PKHD1: variants seen among roughly 807,000 people sequenced by gnomAD.
PKHD1 encodes fibrocystin.
A neutral mutation model predicts 412.0 loss-of-function variants in PKHD1; 291 were observed. That is an observed-to-expected ratio of 0.71 (90% CI 0.64 to 0.78). The LOEUF (loss-of-function observed/expected upper bound fraction) is 0.78, where lower values mean the gene tolerates loss of function less well. Among genes scored for constraint, PKHD1 ranks in the 30% least tolerant of loss-of-function variants. The pLI is 0.00. For synonymous variants in PKHD1, 1,777 were observed against 1,821.5 expected (o/e 0.98, Z 0.62); for missense variants, 4,825 against 4,950.7 (o/e 0.97, Z 0.76).
chr6:52,048,833 C>T (rs367853027), intron 22 of PKHD1, among the ~76,000 whole-genome samples: 1 of 152,190 alleles, frequency 6.6e-6, no homozygotes. Flanking sequence ...GAGCTAAAAA[C>T]GTTGGCATTT....
At chr6:51,722,126 A>G (rs1782001764) in intron 60 of PKHD1, 1 of 1,577,200 alleles carries the variant, frequency 6.3e-7, no homozygotes, top group Non-Finnish European at 8.7e-7. Flanking sequence ...TCCAAATGAA[A>G]ATACCCCACA....
At chr6:51,644,348 T>C (rs1769796174) in intron 63 of PKHD1, among the ~76,000 whole-genome samples, 1 of 152,170 alleles carries the variant, frequency 6.6e-6, no homozygotes, top group Non-Finnish European at 1.5e-5. Flanking sequence ...TCAGAAATGG[T>C]AGGCAATGTG....
chr6:52,025,804 A>C lies in PKHD1; in HGVS notation c.4006T>G (p.Cys1336Gly), dbSNP rs1486590985. Residue 1336 changes from cysteine to glycine, a missense_variant, in exon 32 of 67, where the codon TGT (cysteine) becomes GGT (glycine). By Grantham distance (159) the Cys-to-Gly change is radical. Transcript: ENST00000371117. Reference protein sequence around the residue: ...NSVILLGNLNCDVETQSFQGN... With the variant: ...NSVILLGNLNGDVETQSFQGN... The stretch of plus-strand genomic sequence containing the variant: ...TGGAAGGACTGTGTCTCAACATCAC[A>C]GTTCAGGTTCCCCAGAAGGATGACT... 5 of 1,614,080 alleles carry C rather than the reference A, an allele frequency of 3.1e-6. No individual in the cohort carries two copies. The highest frequency in any genetic ancestry group is 3.4e-6 in the Non-Finnish European group (4 of 1,180,034).
At chr6:51,826,943 T>A (rs1211358914) in intron 52 of PKHD1, among the ~76,000 whole-genome samples, 1 of 152,174 alleles carries the variant, frequency 6.6e-6, no homozygotes, top group African/African-American at 2.4e-5. Flanking sequence ...ACCCTAAGAA[T>A]TTTATTGAAA....
At chr6:52,038,458 T>C (rs889667228) in intron 27 of PKHD1, among the ~76,000 whole-genome samples, 10 of 150,998 alleles carry the variant, frequency 6.6e-5, no homozygotes, top group African/African-American at 2.2e-4. Context: ...CATATGAAGG[T>C]GAAGGCAGAG....
Position 52,035,738 on chromosome 6 carries a change from A to G in PKHD1, c.3098-17T>C. ...AGAGCCCTCCTGTAACAAAAACAGC[A>G]TATTCAAATGGGATCACCAACCATA... On this transcript the variant is annotated splice_polypyrimidine_tract_variant and intron_variant, in intron 27 of 66. Transcript: ENST00000371117. The G allele has an allele frequency of 6.2e-7, 1 of 1,613,262 alleles. No homozygotes were observed.
intron 25 of PKHD1, 62 bp downstream of exon 25, chr6:52,044,904 A>C: frequency 6.3e-7 from 1 of 1,586,174 alleles, no homozygotes; most frequent in African/African-American, 1.3e-5. Flanking sequence ...GTTACAAATC[A>C]GTGAGGAGTG....
chr6:51,921,649 C>G (rs1267529476), intron 37 of PKHD1, among the ~76,000 whole-genome samples: 1 of 152,128 alleles, frequency 6.6e-6, no homozygotes, highest in African/African-American at 2.4e-5. Context: ...TTTCTCTAAA[C>G]TTCTCTTCTC....
In PKHD1 at chr6:51,659,694, G is replaced by A; in HGVS notation, c.10432C>T (p.Pro3478Ser). The change falls in exon 61 of 67, where the codon CCT (proline) becomes TCT (serine). Residue 3478 changes from proline to serine, a missense_variant. Transcript: ENST00000371117. Reference protein sequence around the residue: ...ITKVCFMDQTPQVLRFFLLGN... With the variant: ...ITKVCFMDQTSQVLRFFLLGN... ...AATAGAAAAAAGCGCAAAACTTGAG[G>A]AGTTTGATCCATGAAGCAGACTTTG... 2 of 1,613,838 alleles carry A rather than the reference G, an allele frequency of 1.2e-6. No individual in the cohort carries two copies. Among genetic ancestry groups the A allele is most frequent in the Non-Finnish European group, 1.7e-6 (2 of 1,179,868 alleles).
At chr6:52,036,539 TGAGGGTGGG>T (rs1360763508) in intron 27 of PKHD1, among the ~76,000 whole-genome samples, 1 of 152,082 alleles carries the variant, frequency 6.6e-6, no homozygotes, top group Non-Finnish European at 1.5e-5. Flanking sequence ...TACCCCCCCT[TGAGGGTGGG>T]GAGGGATGCA....
intron 15 of PKHD1, among the ~76,000 whole-genome samples, chr6:52,059,068 T>G (rs1158527692): frequency 6.6e-6 from 1 of 152,138 alleles, no homozygotes; most frequent in Non-Finnish European, 1.5e-5. Context: ...TGGCTGCTGT[T>G]AAAGGCATCT....
chr6:51,619,503 T>C lies in PKHD1; in HGVS notation c.11803A>G (p.Met3935Val), dbSNP rs2150242135. The C allele has an allele frequency of 1.9e-6, 3 of 1,614,096 alleles. No homozygotes were observed. The highest frequency in any genetic ancestry group is 2.2e-5 in the East Asian group (1 of 44,886). ...VVGEDMRMKVMLGKVNQCPHQ... is the reference protein window; with the variant it reads ...VVGEDMRMKVVLGKVNQCPHQ... ...GGGCACTGGTTCACCTTGCCCAGCA[T>C]GACCTTCATTCTCATATCTGGGGGG... The change falls in exon 67 of 67, where the codon ATG (methionine) becomes GTG (valine). Residue 3935 changes from methionine to valine, a missense_variant. Transcript: ENST00000371117.
In PKHD1 at chr6:51,659,298, C is replaced by A. The variant is rs903806118; in HGVS notation, c.10828G>T (p.Ala3610Ser). 1 of 1,613,720 alleles carries A rather than the reference C, an allele frequency of 6.2e-7. No homozygotes were observed. The highest frequency in any genetic ancestry group is 8.5e-7 in the Non-Finnish European group (1 of 1,179,880). ...EMPGHEETLK[A>S]IADSRAKRKR... ...CTTTTTGCTCTACTGTCAGCAATGG[C>A]CTTTAAGGTCTCTTCATGGCCAGGC... The change falls in exon 61 of 67, where the codon GCC (alanine) becomes TCC (serine). Residue 3610 changes from alanine (A) to serine (S), a missense_variant. Ala to Ser is a moderately conservative substitution (Grantham distance 99, BLOSUM62 1). Coordinates refer to ENST00000371117, the MANE Select transcript of PKHD1 (RefSeq NM_138694.4).
chr6:52,043,142 G>A lies in PKHD1; in HGVS notation c.2822-8C>T, dbSNP rs887807149. On this transcript the variant is annotated splice_polypyrimidine_tract_variant and splice_region_variant and intron_variant, in intron 26 of 66. Coordinates refer to ENST00000371117, the MANE Select transcript of PKHD1 (RefSeq NM_138694.4). ...TTAGGTTGATGTCACCATCTTAAAG[G>A]AGAAAAGAAATTAAAAAACAAATAA... is the stretch of plus-strand genomic sequence containing the variant. The A allele has an allele frequency of 3.7e-6, 6 of 1,605,016 alleles. No homozygotes were observed. The East Asian group carries it at 6.7e-5, about 18-fold the overall frequency.
chr6:51,738,475 C>T (rs113252587), intron 60 of PKHD1, among the ~76,000 whole-genome samples: 3 of 152,018 alleles, frequency 2.0e-5, no homozygotes, highest in Non-Finnish European at 4.4e-5. Flanking sequence ...GTTGTAGTCA[C>T]GATTTTTGCT....
intron 35 of PKHD1, among the ~76,000 whole-genome samples, chr6:51,987,483 T>A (rs1796358736): frequency 6.6e-6 from 1 of 152,144 alleles, no homozygotes; most frequent in Non-Finnish European, 1.5e-5. Context: ...GAAAGTAACA[T>A]GACCAAAAAC....
At position 51,617,050 on chromosome 6, in the gene PKHD1, T is replaced by C. The variant is rs886061597; in HGVS notation, c.*2031A>G. 3.0e-5 allele frequency: 6 copies of C among 199,246 alleles called. No homozygotes were observed. The highest frequency in any genetic ancestry group is 4.6e-5 in the African/African-American group (2 of 43,370). The allele number at this position is 199,246 out of a possible 1,614,324, so 12.3% of individuals were successfully genotyped here. On this transcript the variant is annotated 3_prime_UTR_variant, in exon 67 of 67. Transcript: ENST00000371117. ...TATTCTCACTAGGCAGCTAAATGCA[T>C]GGTATAGAGCTCAGGAAAAATACCT... is the stretch of plus-strand genomic sequence containing the variant.
intron 51 of PKHD1, 132 bp downstream of exon 51, chr6:51,836,272 G>T (rs1369942532): frequency 2.8e-6 from 2 of 722,358 alleles, no homozygotes; most frequent in Non-Finnish European, 5.1e-6. Flanking sequence ...ACACAATAGA[G>T]AGTTATCAGA....
chr6:51,678,202 CT>C (rs1401528287), intron 60 of PKHD1, among the ~76,000 whole-genome samples: 1 of 152,126 alleles, frequency 6.6e-6, no homozygotes, highest in Non-Finnish European at 1.5e-5. Context: ...CACTTTCTAG[CT>C]GCAAAACACA....
Sources: gnomAD v4.1 joint callset for allele counts (sites outside exome capture counted in the v4.1 genomes callset) on GRCh38, gnomAD v4.1.1 for gene constraint, MANE v1.5 for transcripts, NCBI Gene and HGNC (gene_info 2026-07-23, HGNC 2026-07-21) for gene names.